The following MAP3K20 variants were observed in gnomAD, a reference collection of about 807,000 sequenced individuals.
MAP3K20 encodes the protein HCCS-4.
MAP3K20 carries 40 observed loss-of-function variants against 85.7 expected under a neutral mutation model. That is an observed-to-expected ratio of 0.47 (90% CI 0.36 to 0.61). The LOEUF (loss-of-function observed/expected upper bound fraction) is 0.61, where lower values mean the gene tolerates loss of function less well. Ranked by LOEUF, MAP3K20 falls within the 20% of genes least tolerant of loss-of-function variation. The pLI, the probability that MAP3K20 is intolerant of heterozygous loss-of-function variation, is 0.00. For synonymous variants in MAP3K20, 325 were observed against 327.7 expected (o/e 0.99, Z 0.09); for missense variants, 817 against 961.7 (o/e 0.85, Z 1.99).
At chr2:173,203,106 T>G (rs1260789374) in intron 8 of MAP3K20, among the ~76,000 whole-genome samples, 2 of 152,204 alleles carry the variant, frequency 1.3e-5, no homozygotes, top group Non-Finnish European at 2.9e-5. Flanking sequence ...TGACCTGTTA[T>G]ACTTAAAAGT....
chr2:173,139,200 T>C (rs1442708314), intron 2 of MAP3K20, among the ~76,000 whole-genome samples: 2 of 152,224 alleles, frequency 1.3e-5, no homozygotes, highest in Non-Finnish European at 2.9e-5. Flanking sequence ...TCTGAGGTTT[T>C]TCTGGCTTTG....
intron 9 of MAP3K20, among the ~76,000 whole-genome samples, chr2:173,205,110 A>G (rs1277077065): frequency 7.3e-6 from 1 of 137,550 alleles, no homozygotes; most frequent in Non-Finnish European, 1.5e-5. Context: ...CTCAAAAAAA[A>G]AAAAAAAAAA....
In MAP3K20 at chr2:173,217,218, G is replaced by C; in HGVS notation, c.955G>C (p.Glu319Gln). 1.3e-6 allele frequency: 2 copies of C among 1,599,758 alleles called. No individual in the cohort carries two copies. The highest frequency in any genetic ancestry group is 1.7e-6 in the Non-Finnish European group (2 of 1,172,778). The change falls in exon 11 of 20, where the codon GAG becomes CAG. Residue 319 changes from glutamate (E) to glutamine (Q), a missense_variant. Transcript: ENST00000375213. ...KERERRLKMW[E>Q]QKLTEQSNTP... ...ACGAGAAAGACGTTTAAAGATGTGGGAGCAAAAGCTGACAGAGCAGTCCAA... is the reference window on the plus strand; with the variant it reads ...ACGAGAAAGACGTTTAAAGATGTGGCAGCAAAAGCTGACAGAGCAGTCCAA...
At chr2:173,200,131 GTAAAA>G (rs1360916002) in intron 8 of MAP3K20, among the ~76,000 whole-genome samples, 7 of 152,242 alleles carry the variant, frequency 4.6e-5, no homozygotes, top group African/African-American at 1.7e-4. Flanking sequence ...ATGAACTTCA[GTAAAA>G]TTGGGTATTA....
intron 11 of MAP3K20, chr2:173,224,531 A>G: frequency 1.0e-6 from 1 of 985,236 alleles, no homozygotes; most frequent in Non-Finnish European, 1.2e-6. Flanking sequence ...TACTGCTGCC[A>G]TTTTCCTCAC....
intron 15 of MAP3K20, 127 bp from the exon 16 acceptor site, chr2:173,239,276 TC>T: frequency 1.4e-6 from 1 of 713,460 alleles, no homozygotes; most frequent in Non-Finnish European, 2.2e-6. Flanking sequence ...TGTAGCTTAA[TC>T]CAAAATAACC....
At chr2:173,191,894 G>A (rs1262985591) in intron 7 of MAP3K20, among the ~76,000 whole-genome samples, 1 of 152,206 alleles carries the variant, frequency 6.6e-6, no homozygotes, top group Non-Finnish European at 1.5e-5. Flanking sequence ...GCCATTTCCT[G>A]AGGAATAGGT....
At chr2:173,117,938 T>C (rs1028567208) in intron 2 of MAP3K20, among the ~76,000 whole-genome samples, 1 of 152,142 alleles carries the variant, frequency 6.6e-6, no homozygotes, top group Non-Finnish European at 1.5e-5. Context: ...TGATAGATGC[T>C]TGAGGGGGAT....
chr2:173,219,831 G>C (rs1262546670), intron 11 of MAP3K20, among the ~76,000 whole-genome samples: 2 of 152,110 alleles, frequency 1.3e-5, no homozygotes, highest in Non-Finnish European at 2.9e-5. Flanking sequence ...CACTTTGGGA[G>C]GCTGAGGGGG....
At chr2:173,255,718 G>A (rs16861450) in intron 16 of MAP3K20, among the ~76,000 whole-genome samples, 5,698 of 152,260 alleles carry the variant, frequency 0.037, 362 homozygotes, top group African/African-American at 0.13. Flanking sequence ...AAGTTCAGGC[G>A]TTTTCACACA....
chr2:173,096,703 A>T (rs1487109953), intron 2 of MAP3K20, among the ~76,000 whole-genome samples: 2 of 152,158 alleles, frequency 1.3e-5, no homozygotes, highest in Admixed American at 6.6e-5. Flanking sequence ...TCCACTCTCA[A>T]TATGTGGCTG....
At chr2:173,189,805 A>G (rs1574091631) in intron 5 of MAP3K20, among the ~76,000 whole-genome samples, 1 of 152,056 alleles carries the variant, frequency 6.6e-6, no homozygotes, top group Non-Finnish European at 1.5e-5. Flanking sequence ...TTCTCCCCCA[A>G]TATCCAGCCA....
intron 2 of MAP3K20, among the ~76,000 whole-genome samples, chr2:173,163,983 C>T (rs112810332): frequency 6.7e-6 from 1 of 150,264 alleles, no homozygotes. Flanking sequence ...TTTTCTGAGA[C>T]GGAGTCTAGC....
chr2:173,236,806 T>A (rs1026372837), intron 14 of MAP3K20, among the ~76,000 whole-genome samples: 1 of 152,186 alleles, frequency 6.6e-6, no homozygotes, highest in Non-Finnish European at 1.5e-5. Flanking sequence ...TGCTCCAAGC[T>A]GGGCCTTTGG....
At position 173,227,138 on chromosome 2, in the gene MAP3K20, G is replaced by C. The variant is rs1455261487; in HGVS notation, c.988-2551G>C. On this transcript the variant is annotated intron_variant, in intron 11 of 19. Transcript: ENST00000375213. ...GACTCCATTTTGCAATAAACGTTTT[G>C]ACAGTAAATCCCTTTGTTACGTGTT... is the stretch of plus-strand genomic sequence containing the variant. 3 of 985,600 alleles carry C rather than the reference G, an allele frequency of 3.0e-6. No individual in the cohort carries two copies. In the African/African-American group the frequency reaches 5.2e-5, roughly 17 times the overall value. 61.1% of individuals were successfully genotyped at this position (985,600 alleles called of 1,614,324 possible).
intron 2 of MAP3K20, among the ~76,000 whole-genome samples, chr2:173,157,000 T>G (rs1453819380): frequency 1.3e-5 from 2 of 152,158 alleles, no homozygotes; most frequent in African/African-American, 2.4e-5. Context: ...CAGTCAACCC[T>G]TGAACAATGC....
intron 2 of MAP3K20, among the ~76,000 whole-genome samples, chr2:173,131,611 A>G (rs1238447584): frequency 6.6e-6 from 1 of 152,206 alleles, no homozygotes; most frequent in Non-Finnish European, 1.5e-5. Flanking sequence ...CAGCTAGGAA[A>G]TTATGTGGTA....
intron 16 of MAP3K20, among the ~76,000 whole-genome samples, chr2:173,246,843 C>T (rs1211034937): frequency 6.6e-6 from 1 of 152,156 alleles, no homozygotes; most frequent in Non-Finnish European, 1.5e-5. Context: ...CTGCCCCTCC[C>T]AACTCTCCGA....
intron 16 of MAP3K20, among the ~76,000 whole-genome samples, chr2:173,250,662 T>C (rs1685020953): frequency 6.6e-6 from 1 of 152,240 alleles, no homozygotes; most frequent in African/African-American, 2.4e-5. Context: ...TGTATGATTC[T>C]TCATCAGTAC....
Sources: gnomAD v4.1 joint callset for allele counts (sites outside exome capture counted in the v4.1 genomes callset) on GRCh38, gnomAD v4.1.1 for gene constraint, MANE v1.5 for transcripts, NCBI Gene and HGNC (gene_info 2026-07-23, HGNC 2026-07-21) for gene names.